Variants in CGRRF1 observed in about 807,000 individuals in gnomAD.
CGRRF1 encodes the protein cell growth regulator with RING finger domain protein 1.
CGRRF1 carries 32 observed loss-of-function variants against 37.2 expected under a neutral mutation model. The observed-to-expected ratio is 0.86, with a 90% CI of 0.65 to 1.16. CGRRF1 has a LOEUF of 1.16. Among genes scored for constraint, CGRRF1 ranks in the 50% most tolerant of loss-of-function variants. The pLI is 0.00. For synonymous variants in CGRRF1, 141 were observed against 140.3 expected, an observed-to-expected ratio of 1.00 and a Z score of -0.04; for missense variants, 391 against 382.6, an observed-to-expected ratio of 1.02 and a Z score of -0.18.
chr14:54,510,575 A>T (rs1232220349), intron 1 of CGRRF1, among the ~76,000 whole-genome samples: 1 of 152,220 alleles, frequency 6.6e-6, no homozygotes, highest in African/African-American at 2.4e-5. Context: ...TTGAGAATTT[A>T]ATGGTTTCTG....
intron 4 of CGRRF1, among the ~76,000 whole-genome samples, chr14:54,531,367 C>T (rs749823586): frequency 7.2e-5 from 11 of 152,082 alleles, no homozygotes; most frequent in Admixed American, 1.3e-4. Flanking sequence ...ACAGTACCTT[C>T]AGAGTATGAC....
chr14:54,526,939 C>T (rs886446643), intron 2 of CGRRF1, among the ~76,000 whole-genome samples: 2 of 152,208 alleles, frequency 1.3e-5, no homozygotes, highest in Admixed American at 6.5e-5. Flanking sequence ...TCCGCCCCAT[C>T]ATTTCTCCCT....
At chr14:54,527,304 C>A (rs2032428464) in intron 2 of CGRRF1, among the ~76,000 whole-genome samples, 1 of 151,968 alleles carries the variant, frequency 6.6e-6, no homozygotes, top group Non-Finnish European at 1.5e-5. Flanking sequence ...TTACATTCTC[C>A]CCTCAGTTTA....
At chr14:54,524,206 A>G (rs2032370706) in intron 2 of CGRRF1, among the ~76,000 whole-genome samples, 1 of 151,928 alleles carries the variant, frequency 6.6e-6, no homozygotes, top group African/African-American at 2.4e-5. Flanking sequence ...TCTCTCTAGT[A>G]TTTTACAGAG....
At chr14:54,533,188 C>T (rs1268051861) in intron 4 of CGRRF1, among the ~76,000 whole-genome samples, 3 of 151,420 alleles carry the variant, frequency 2.0e-5, no homozygotes, top group Non-Finnish European at 4.4e-5. Context: ...TAAAGTTTAC[C>T]ATTTTAACCA....
At position 54,529,900 on chromosome 14, in the gene CGRRF1, C is replaced by T. The variant is rs184612930; in HGVS notation, c.245-149C>T. 2.1e-5 allele frequency: 11 copies of T among 517,960 alleles called. No individual in the cohort carries two copies. The Admixed American group carries it at 3.4e-4, about 16-fold the overall frequency. The allele number at this position is 517,960 out of a possible 1,614,324, so 32.1% of individuals were successfully genotyped here. ...CTCTTGTTACAGAGGCCAGTTCCTT[C>T]GTTTATAGGAGGCATACCCTTTAAC... On this transcript the variant is annotated intron_variant, in intron 2 of 5. Coordinates refer to ENST00000216420, the MANE Select transcript of CGRRF1 (RefSeq NM_006568.3).
Position 54,522,499 on chromosome 14 carries a change from C to T in CGRRF1, c.150C>T (p.Thr50=), listed in dbSNP as rs774039810. The change falls in exon 2 of 6, where the codon ACC becomes ACT. Residue 50 remains threonine, a synonymous_variant. Coordinates refer to ENST00000216420, the MANE Select transcript of CGRRF1 (RefSeq NM_006568.3). ...TAATTCTGAGAAATTCAGAAGAGAC[C>T]CAGTTCAGCACAAGAGTTTTCAAAA... is the stretch of plus-strand genomic sequence containing the variant. The part of the protein sequence containing the change: ...VPVILRNSEE[T]QFSTRVFKKQ... The T allele has an allele frequency of 1.2e-6, 2 of 1,603,202 alleles. No individual in the cohort carries two copies. Among genetic ancestry groups the T allele is most frequent in the Admixed American group, 3.4e-5 (2 of 58,020 alleles).
rs748154137 is a variant in CGRRF1 at position 54,538,237 on chromosome 14, G to A, written c.853G>A (p.Val285Ile). Residue 285 changes from valine (V) to isoleucine (I), a missense_variant, in exon 6 of 6, where the codon GTA (valine) becomes ATA (isoleucine). Transcript: ENST00000216420. ...VVCQNGTVNW[V>I]LLPCRHTCLC... is the part of the protein sequence containing the mutation. ...TTGCCAGAATGGGACTGTGAACTGG[G>A]TACTCTTACCATGCAGACACACATG... The A allele has an allele frequency of 1.9e-6, 3 of 1,614,044 alleles. No individual in the cohort carries two copies. Among genetic ancestry groups the A allele is most frequent in the Admixed American group, 1.7e-5 (1 of 59,998 alleles).
rs753493070 is a variant in CGRRF1 at position 54,531,059 on chromosome 14, T to C, written c.570+9T>C. On this transcript the variant is annotated intron_variant, in intron 4 of 5. Coordinates refer to ENST00000216420, the MANE Select transcript of CGRRF1 (RefSeq NM_006568.3). ...GGGAAATTTATGATATTGTAAGTAA[T>C]TGAAAATTTTGAAAGCATTACCTTT... 20 of 1,587,162 alleles carry C rather than the reference T, an allele frequency of 1.3e-5. No individual in the cohort carries two copies. In the African/African-American group the frequency reaches 1.5e-4, roughly 12 times the overall value.
At chr14:54,517,737 C>T (rs1271133716) in intron 1 of CGRRF1, among the ~76,000 whole-genome samples, 1 of 152,126 alleles carries the variant, frequency 6.6e-6, no homozygotes, top group East Asian at 1.9e-4. Context: ...TGATATTAAG[C>T]CCAGCATCCA....
intron 4 of CGRRF1, among the ~76,000 whole-genome samples, chr14:54,533,484 G>C (rs1001183564): frequency 6.6e-6 from 1 of 151,962 alleles, no homozygotes; most frequent in African/African-American, 2.4e-5. Flanking sequence ...TAGATTGGGG[G>C]TAATATTGGC....
intron 1 of CGRRF1, among the ~76,000 whole-genome samples, chr14:54,511,825 T>C (rs2032134269): frequency 6.6e-6 from 1 of 152,198 alleles, no homozygotes. Context: ...CGTTTGGAAG[T>C]CTGGGCTAAG....
Position 54,522,435 on chromosome 14 carries a change from AT to A in CGRRF1, c.105-13del. On this transcript the variant is annotated intron_variant, in intron 1 of 5. Transcript: ENST00000216420. ...TCAACATTTGTTAAAATAATATTTT[AT>A]TTTTTACCTTTTTTTAGGTTTGGTT... 1 of 1,481,508 alleles carries A rather than the reference AT, an allele frequency of 6.7e-7. No individual in the cohort carries two copies. The highest frequency in any genetic ancestry group is 9.0e-7 in the Non-Finnish European group (1 of 1,109,364). The allele number at this position is 1,481,508 out of a possible 1,614,324, so 91.8% of individuals were successfully genotyped here.
chr14:54,517,518 T>C (rs1378122811), intron 1 of CGRRF1, among the ~76,000 whole-genome samples: 1 of 152,234 alleles, frequency 6.6e-6, no homozygotes, highest in Admixed American at 6.5e-5. Flanking sequence ...GGAAGATTCG[T>C]TTTGTTTTGT....
intron 1 of CGRRF1, among the ~76,000 whole-genome samples, chr14:54,512,719 C>T (rs1329315027): frequency 6.6e-6 from 1 of 152,214 alleles, no homozygotes; most frequent in Admixed American, 6.5e-5. Flanking sequence ...TAGTGCCTCA[C>T]TCTGGCATTA....
At chr14:54,530,298 T>C (rs974831776) in intron 3 of CGRRF1, 72 bp downstream of exon 3, 20 of 1,385,366 alleles carry the variant, frequency 1.4e-5, no homozygotes, top group East Asian at 7.0e-5. Context: ...TGCTAACTTA[T>C]TGATCATTCT....
At chr14:54,519,778 A>G (rs934000761) in intron 1 of CGRRF1, among the ~76,000 whole-genome samples, 1 of 152,210 alleles carries the variant, frequency 6.6e-6, no homozygotes, top group Non-Finnish European at 1.5e-5. Flanking sequence ...TTTTGGATCC[A>G]TAAAGGTATT....
At chr14:54,511,351 A>G (rs1396090187) in intron 1 of CGRRF1, among the ~76,000 whole-genome samples, 1 of 152,316 alleles carries the variant, frequency 6.6e-6, no homozygotes, top group East Asian at 1.9e-4. Flanking sequence ...ACAAAGACCA[A>G]TCTTACACAA....
chr14:54,529,002 A>G (rs2032463295), intron 2 of CGRRF1, among the ~76,000 whole-genome samples: 1 of 152,190 alleles, frequency 6.6e-6, no homozygotes, highest in Admixed American at 6.5e-5. Context: ...TAGGTAATAT[A>G]TCAATCAGAA....
Sources: allele counts gnomAD v4.1 joint callset (sites outside exome capture counted in the v4.1 genomes callset), GRCh38; gene constraint gnomAD v4.1.1; transcripts MANE v1.5; gene names NCBI Gene and HGNC (gene_info 2026-07-23, HGNC 2026-07-21).